The following ROCK1 variants were observed in gnomAD, a reference collection of about 807,000 sequenced individuals.
ROCK1 encodes Rho associated coiled-coil containing protein kinase 1.
In ROCK1, 36 loss-of-function variants were observed where a neutral mutation model predicts 196.8. That is an observed-to-expected ratio of 0.18 (90% CI 0.14 to 0.24). The LOEUF (loss-of-function observed/expected upper bound fraction) is 0.24. ROCK1 is among the 10% of genes least tolerant of loss of function. The probability of loss-of-function intolerance (pLI) is 1.00; values close to 1 mark genes in which losing one functional copy is unlikely to be tolerated. For synonymous variants in ROCK1, 443 were observed against 515.9 expected, an observed-to-expected ratio of 0.86 and a Z score of 1.91; for missense variants, 920 against 1,562.0, an observed-to-expected ratio of 0.59 and a Z score of 6.93.
Position 21,006,680 on chromosome 18 carries a change from C to A in ROCK1, c.1638+19G>T, listed in dbSNP as rs753385314. On this transcript the variant is annotated intron_variant, in intron 15 of 32. Coordinates refer to ENST00000399799, the MANE Select transcript of ROCK1 (RefSeq NM_005406.3). ...TATCTACAATTTTTTTAAAAAGGAA[C>A]CTCATTTGAAACACTTACCTGCTTT... 1 of 1,583,908 alleles carries A rather than the reference C, an allele frequency of 6.3e-7. No homozygotes were observed. Among genetic ancestry groups the A allele is most frequent in the Non-Finnish European group, 8.5e-7 (1 of 1,170,648 alleles).
chr18:20,955,398 G>A (rs2035232097), intron 29 of ROCK1, 153 bp from the exon 30 acceptor site: 3 of 945,274 alleles, frequency 3.2e-6, no homozygotes, highest in Admixed American at 3.4e-5. Flanking sequence ...CACAATAAGT[G>A]TCACTACACA....
chr18:21,042,499 A>G (rs2036115688), intron 7 of ROCK1, 66 bp downstream of exon 7: 2 of 1,478,136 alleles, frequency 1.4e-6, no homozygotes, highest in Non-Finnish European at 9.2e-7. Flanking sequence ...TATATTAGAA[A>G]GAGCCAAGTG....
chr18:21,015,421 CA>C lies in ROCK1; in HGVS notation c.1410+9del. On this transcript the variant is annotated intron_variant, in intron 13 of 32. Coordinates refer to ENST00000399799, the MANE Select transcript of ROCK1 (RefSeq NM_005406.3). ...TCAAAAAGGAAACTTGATTAGAAAA[CA>C]AAAAGTACCTCTTCATCCAATTCTT... 6.5e-7 allele frequency: 1 copy of C among 1,542,060 alleles called. No homozygotes were observed. The highest frequency in any genetic ancestry group is 8.9e-7 in the Non-Finnish European group (1 of 1,122,374).
chr18:21,034,437 T>A (rs2036039412), intron 9 of ROCK1, among the ~76,000 whole-genome samples: 1 of 152,068 alleles, frequency 6.6e-6, no homozygotes, highest in Non-Finnish European at 1.5e-5. Flanking sequence ...GGTACCAACA[T>A]AAAAACAAAC....
Position 20,968,709 on chromosome 18 carries a change from G to A in ROCK1, c.3003+63C>T, listed in dbSNP as rs542283041. The A allele has an allele frequency of 1.7e-5, 16 of 953,664 alleles. No individual in the cohort carries two copies. The Admixed American group carries it at 3.0e-4, about 18-fold the overall frequency. The allele number at this position is 953,664 out of a possible 1,614,324, so 59.1% of individuals were successfully genotyped here. On this transcript the variant is annotated intron_variant, in intron 25 of 32. Coordinates refer to ENST00000399799, the MANE Select transcript of ROCK1 (RefSeq NM_005406.3). The stretch of plus-strand genomic sequence containing the variant: ...TTATAAGCCTTGGTTTTAGGAAAAA[G>A]TGCATAAAGAGCAATGATTAACTCA...
At chr18:20,996,584 G>A in intron 16 of ROCK1, among the ~76,000 whole-genome samples, 1 of 152,080 alleles carries the variant, frequency 6.6e-6, no homozygotes, top group East Asian at 1.9e-4. Context: ...GGGTTCAGAG[G>A]TCTGACTCAG....
rs1490813489 is a variant in ROCK1, at chr18:21,086,028, ATTCTT to A, written c.94-15420_94-15416del. On this transcript the variant is annotated intron_variant, in intron 1 of 32. Coordinates refer to ENST00000399799, the MANE Select transcript of ROCK1 (RefSeq NM_005406.3). ...GAGAGAGTTTGTCATTTCTCAAACG[ATTCTT>A]TTAAGTATCTAATTTGTTATTTTGG... is the stretch of plus-strand genomic sequence containing the variant. Among the ~76,000 whole-genome samples, 25 of 152,182 alleles carry A rather than the reference ATTCTT, an allele frequency of 1.6e-4. No homozygotes were observed. In the East Asian group the frequency reaches 3.5e-3, roughly 21 times the overall value.
At chr18:21,066,255 G>A (rs1381973339) in intron 2 of ROCK1, among the ~76,000 whole-genome samples, 1 of 151,938 alleles carries the variant, frequency 6.6e-6, no homozygotes, top group East Asian at 1.9e-4. Flanking sequence ...AGTTTGTTAT[G>A]TTTATTTACA....
At chr18:20,986,688 C>G (rs1198703393) in intron 19 of ROCK1, among the ~76,000 whole-genome samples, 1 of 151,808 alleles carries the variant, frequency 6.6e-6, no homozygotes, top group African/African-American at 2.4e-5. Context: ...TCAGTTTTTT[C>G]AGGGAAGGAA....
intron 10 of ROCK1, among the ~76,000 whole-genome samples, chr18:21,025,194 C>A (rs551173898): frequency 6.6e-6 from 1 of 152,136 alleles, no homozygotes; most frequent in Non-Finnish European, 1.5e-5. Flanking sequence ...GGTGCTTTTA[C>A]ATAGAATCTG....
chr18:21,107,283 G>T (rs549355079), intron 1 of ROCK1, among the ~76,000 whole-genome samples: 118 of 152,262 alleles, frequency 7.7e-4, no homozygotes, highest in African/African-American at 2.7e-3. Context: ...CAAAAAAGCT[G>T]TTTAGTAGGT....
intron 9 of ROCK1, among the ~76,000 whole-genome samples, chr18:21,030,005 TGA>T (rs1434240851): frequency 6.6e-6 from 1 of 152,262 alleles, no homozygotes; most frequent in East Asian, 1.9e-4. Flanking sequence ...TTGTGCCATC[TGA>T]GACACAGTAA....
chr18:21,107,373 A>T (rs928350900), intron 1 of ROCK1, among the ~76,000 whole-genome samples: 1 of 152,178 alleles, frequency 6.6e-6, no homozygotes, highest in Non-Finnish European at 1.5e-5. Context: ...GCATGAATCT[A>T]GTAAAGGAGG....
At chr18:21,095,218 C>T (rs901218036) in intron 1 of ROCK1, among the ~76,000 whole-genome samples, 3 of 151,206 alleles carry the variant, frequency 2.0e-5, no homozygotes, top group African/African-American at 7.3e-5. Context: ...ATGAATACAA[C>T]TGAGGATGTG....
In ROCK1 at chr18:20,959,903, AT is replaced by A. The variant is rs2143338352; in HGVS notation, c.3448del (p.Ile1150PhefsTer21). 2 of 1,609,884 alleles carry A rather than the reference AT, an allele frequency of 1.2e-6. No individual in the cohort carries two copies. Among genetic ancestry groups the A allele is most frequent in the Non-Finnish European group, 1.7e-6 (2 of 1,177,026 alleles). ...KQYVVVSSKK[I>X]LFYNDEQDKE... ...ATCTTGTTCGTCATTATAGAACAAA[AT>A]TTTTTTGCTGCTTACCACAACATAC... On this transcript the variant is annotated frameshift_variant, in exon 29 of 33. Transcript: ENST00000399799. LOFTEE classifies it high-confidence loss of function.
Position 20,980,645 on chromosome 18 carries a change from G to A in ROCK1, c.2560-641C>T, listed in dbSNP as rs191799419. On this transcript the variant is annotated intron_variant, in intron 21 of 32. Transcript: ENST00000399799. ...AAATTATAGCTTAATGGCCAGGTGC[G>A]GTGGCTCACGCCTGTAATCCCAGCA... is the stretch of plus-strand genomic sequence containing the variant. Among the ~76,000 whole-genome samples the A allele has an allele frequency of 1.2e-3, 180 of 152,158 alleles. 1 individual carries two copies. Among genetic ancestry groups the A allele is most frequent in the African/African-American group, 3.9e-3 (161 of 41,508 alleles).
At position 20,961,449 on chromosome 18, in the gene ROCK1, T is replaced by C. The variant is rs115120283; in HGVS notation, c.3353-1243A>G. ...AGTCCATGAATACAGGATATTATAT[T>C]CCGAGGAATTCGGAAAAGGTTCTAC... is the stretch of plus-strand genomic sequence containing the variant. On this transcript the variant is annotated intron_variant, in intron 27 of 32. Coordinates refer to ENST00000399799, the MANE Select transcript of ROCK1 (RefSeq NM_005406.3). Among the ~76,000 whole-genome samples the C allele has an allele frequency of 1.3e-3, 198 of 152,300 alleles. 1 individual carries two copies. Among genetic ancestry groups the C allele is most frequent in the African/African-American group, 4.6e-3 (191 of 41,558 alleles).
At chr18:21,098,501 C>A (rs1254198023) in intron 1 of ROCK1, among the ~76,000 whole-genome samples, 1 of 151,914 alleles carries the variant, frequency 6.6e-6, no homozygotes, top group Admixed American at 6.6e-5. Flanking sequence ...CCTTTATGAT[C>A]TGGACATAGG....
chr18:21,064,258 G>C (rs1483388973), intron 2 of ROCK1, among the ~76,000 whole-genome samples: 1 of 152,038 alleles, frequency 6.6e-6, no homozygotes. Context: ...TCATACTTTT[G>C]GAAGACTCTG....
Sources: allele counts gnomAD v4.1 joint callset (sites outside exome capture counted in the v4.1 genomes callset), GRCh38; gene constraint gnomAD v4.1.1; transcripts MANE v1.5; gene names NCBI Gene and HGNC (gene_info 2026-07-23, HGNC 2026-07-21).